Variants in CADM2 observed in about 807,000 individuals in gnomAD.
CADM2 encodes immunoglobulin superfamily member 4D.
A neutral mutation model predicts 49.8 loss-of-function variants in CADM2; 12 were observed. The observed-to-expected ratio is 0.24, with a 90% CI of 0.15 to 0.39. The LOEUF is 0.39. CADM2 is among the 10% of genes least tolerant of loss of function. The probability of loss-of-function intolerance (pLI) is 1.00; values close to 1 mark genes in which losing one functional copy is unlikely to be tolerated. For missense variants in CADM2, 378 were observed against 492.3 expected (o/e 0.77, Z 2.20); for synonymous variants, 214 against 175.4 (o/e 1.22, Z -1.74).
intron 1 of CADM2, among the ~76,000 whole-genome samples, chr3:85,221,685 A>G (rs2042047577): frequency 6.6e-6 from 1 of 152,158 alleles, no homozygotes; most frequent in Non-Finnish European, 1.5e-5. Flanking sequence ...AAGCTATGTA[A>G]AAGGAAAAGT....
At chr3:85,348,546 A>G (rs2031004010) in intron 1 of CADM2, among the ~76,000 whole-genome samples, 1 of 152,160 alleles carries the variant, frequency 6.6e-6, no homozygotes, top group Non-Finnish European at 1.5e-5. Flanking sequence ...ATTATCTTTA[A>G]AAAAATCTTC....
chr3:85,169,628 G>A (rs919588937), intron 1 of CADM2, among the ~76,000 whole-genome samples: 37 of 151,676 alleles, frequency 2.4e-4, no homozygotes, highest in African/African-American at 6.8e-4. Context: ...AAAAATCTGC[G>A]GGGTGTGGTG....
chr3:85,057,050 TA>T, intron 1 of CADM2, among the ~76,000 whole-genome samples: 1 of 152,288 alleles, frequency 6.6e-6, no homozygotes, highest in East Asian at 1.9e-4. Context: ...CTGGTGCAGA[TA>T]ATCTCTCGAA....
chr3:85,670,246 G>C (rs1298516977), intron 1 of CADM2, among the ~76,000 whole-genome samples: 1 of 152,116 alleles, frequency 6.6e-6, no homozygotes, highest in African/African-American at 2.4e-5. Flanking sequence ...ATGAATTCTT[G>C]CTATAATTAA....
chr3:85,429,473 A>G (rs1475137937), intron 1 of CADM2, among the ~76,000 whole-genome samples: 2 of 152,090 alleles, frequency 1.3e-5, no homozygotes, highest in African/African-American at 2.4e-5. Flanking sequence ...TATAATATGT[A>G]TTATTTTTAT....
At chr3:85,136,610 A>T (rs866071099) in intron 1 of CADM2, among the ~76,000 whole-genome samples, 1 of 152,162 alleles carries the variant, frequency 6.6e-6, no homozygotes, top group Middle Eastern at 3.4e-3. Flanking sequence ...AAAATAAATT[A>T]GACCCAATGG....
intron 7 of CADM2, among the ~76,000 whole-genome samples, chr3:85,957,851 G>A (rs1451882779): frequency 6.6e-6 from 1 of 151,850 alleles, no homozygotes; most frequent in Non-Finnish European, 1.5e-5. Flanking sequence ...CAAAACCCTA[G>A]GAGAAAACCT....
At chr3:85,697,964 C>A (rs1337536036) in intron 1 of CADM2, among the ~76,000 whole-genome samples, 4 of 152,140 alleles carry the variant, frequency 2.6e-5, no homozygotes, top group African/African-American at 9.7e-5. Flanking sequence ...TTTACCCAAG[C>A]ATTTTTTGTA....
intron 2 of CADM2, among the ~76,000 whole-genome samples, chr3:85,776,487 T>C (rs1025636082): frequency 1.3e-5 from 2 of 152,058 alleles, no homozygotes; most frequent in African/African-American, 4.8e-5. Context: ...ATGTCTGGCA[T>C]AGGAACTTAA....
rs149304170 is a variant in CADM2 at position 85,479,352 on chromosome 3, T to C, written c.62-247170T>C. Among the ~76,000 whole-genome samples, 12 of 152,058 alleles carry C rather than the reference T, an allele frequency of 7.9e-5. No individual in the cohort carries two copies. The East Asian group carries it at 2.1e-3, about 27-fold the overall frequency. On this transcript the variant is annotated intron_variant, in intron 1 of 9. Transcript: ENST00000383699. Reference sequence around the variant, plus strand: ...TTTAAGGAATGTGTTAAATGGAAACTAAGCCACTTTCAGTGCCTATGATAT... The same window carrying C: ...TTTAAGGAATGTGTTAAATGGAAACCAAGCCACTTTCAGTGCCTATGATAT...
At position 85,936,418 on chromosome 3, in the gene CADM2, T is replaced by G. The variant is rs1366767449; in HGVS notation, c.791+561T>G. 2.0e-5 allele frequency among the ~76,000 whole-genome samples: 3 copies of G among 151,860 alleles called. No individual in the cohort carries two copies. The South Asian group carries it at 6.2e-4, about 31-fold the overall frequency. On this transcript the variant is annotated intron_variant, in intron 7 of 9. Transcript: ENST00000383699. The stretch of plus-strand genomic sequence containing the variant: ...ACTTCAACTCTAAAACTTCACCTTT[T>G]GAAATTTGTGTTTATAAATAGCTAG...
intron 1 of CADM2, among the ~76,000 whole-genome samples, chr3:85,082,953 A>G (rs2107504467): frequency 6.6e-6 from 1 of 152,212 alleles, no homozygotes; most frequent in South Asian, 2.1e-4. Flanking sequence ...TTGAGGCAAA[A>G]AATTTCCAAG....
intron 7 of CADM2, among the ~76,000 whole-genome samples, chr3:85,939,165 A>T (rs1275646088): frequency 6.6e-6 from 1 of 151,994 alleles, no homozygotes. Flanking sequence ...ATGAACAATC[A>T]TGCCTATTTG....
chr3:85,206,559 G>A (rs541431332), intron 1 of CADM2, among the ~76,000 whole-genome samples: 221 of 151,858 alleles, frequency 1.5e-3, no homozygotes, highest in Admixed American at 3.0e-3. Flanking sequence ...CGCCCACCTC[G>A]GCCTCCCAAA....
chr3:85,726,114 A>C lies in CADM2; in HGVS notation c.62-408A>C, dbSNP rs145955251. ...ATTTAGAAAGCACTCAAATGATGGA[A>C]GTGGCCTGCTTTTCTAGTTACTCAA... On this transcript the variant is annotated intron_variant, in intron 1 of 9. Coordinates refer to ENST00000383699, the MANE Select transcript of CADM2 (RefSeq NM_001167675.2). Among the ~76,000 whole-genome samples the C allele has an allele frequency of 4.6e-5, 7 of 152,144 alleles. No homozygotes were observed. In the East Asian group the frequency reaches 1.4e-3, roughly 29 times the overall value.
At chr3:85,200,271 A>G (rs2041459237) in intron 1 of CADM2, among the ~76,000 whole-genome samples, 1 of 152,062 alleles carries the variant, frequency 6.6e-6, no homozygotes. Flanking sequence ...TAATTTATAT[A>G]CAAAACTGTG....
chr3:85,837,209 A>G (rs575358562), intron 3 of CADM2, among the ~76,000 whole-genome samples: 1 of 151,732 alleles, frequency 6.6e-6, no homozygotes, highest in African/African-American at 2.4e-5. Context: ...ATGTTTGATG[A>G]GTTAAATCTG....
chr3:85,101,475 A>G (rs987960766), intron 1 of CADM2, among the ~76,000 whole-genome samples: 6 of 152,202 alleles, frequency 3.9e-5, no homozygotes, highest in African/African-American at 1.4e-4. Context: ...GGTATGTTGT[A>G]TCAAACCTAA....
At chr3:85,936,089 TA>T (rs1200162055) in intron 7 of CADM2, among the ~76,000 whole-genome samples, 78 of 151,940 alleles carry the variant, frequency 5.1e-4, no homozygotes, top group Non-Finnish European at 1.3e-4. Context: ...TTTCTTTTTG[TA>T]TTTTTTCCAG....
Sources: allele counts gnomAD v4.1 joint callset (sites outside exome capture counted in the v4.1 genomes callset), GRCh38; gene constraint gnomAD v4.1.1; transcripts MANE v1.5; gene names NCBI Gene and HGNC (gene_info 2026-07-23, HGNC 2026-07-21).